Variants in STXBP6 observed in about 807,000 individuals in gnomAD.
STXBP6 encodes the protein syntaxin-binding protein 6.
Under a neutral mutation model 26.9 loss-of-function variants are expected in STXBP6, and 21 were observed. The observed-to-expected ratio is 0.78, with a 90% CI of 0.55 to 1.12. The LOEUF is 1.12. STXBP6 is among the 50% of genes most tolerant of loss of function. The pLI is 0.00. For missense variants in STXBP6, 232 were observed against 257.9 expected, an observed-to-expected ratio of 0.90 and a Z score of 0.69; for synonymous variants, 97 against 92.6, an observed-to-expected ratio of 1.05 and a Z score of -0.27.
At chr14:24,878,739 C>CA (rs2070240320) in intron 2 of STXBP6, 1 of 439,230 alleles carries the variant, frequency 2.3e-6, no homozygotes, top group Non-Finnish European at 4.6e-6. Flanking sequence ...AACCATAACA[C>CA]ACGTTTCATC....
At chr14:24,844,879 TC>T (rs1381233964) in intron 4 of STXBP6, among the ~76,000 whole-genome samples, 1 of 152,158 alleles carries the variant, frequency 6.6e-6, no homozygotes, top group Non-Finnish European at 1.5e-5. Context: ...TGTTAATCTC[TC>T]AAGAGGTACA....
intron 2 of STXBP6, among the ~76,000 whole-genome samples, chr14:24,905,524 C>T (rs2071357718): frequency 6.6e-6 from 1 of 152,082 alleles, no homozygotes; most frequent in Non-Finnish European, 1.5e-5. Flanking sequence ...CAAAGAAAAC[C>T]TTGGGAATCT....
chr14:24,871,109 A>G (rs1244077278), intron 2 of STXBP6, among the ~76,000 whole-genome samples: 1 of 150,346 alleles, frequency 6.7e-6, no homozygotes, highest in Non-Finnish European at 1.5e-5. Context: ...GCATCCCATT[A>G]TGTTCTTTTT....
At chr14:24,983,957 A>G (rs902485663) in intron 1 of STXBP6, among the ~76,000 whole-genome samples, 1 of 152,244 alleles carries the variant, frequency 6.6e-6, no homozygotes, top group Non-Finnish European at 1.5e-5. Flanking sequence ...TATTCTCTAA[A>G]TCAAACATCA....
chr14:24,870,293 C>G (rs1175379484), intron 2 of STXBP6, among the ~76,000 whole-genome samples: 1 of 152,136 alleles, frequency 6.6e-6, no homozygotes, highest in Admixed American at 6.5e-5. Context: ...CAACAAAACA[C>G]TGCAAATTAT....
intron 1 of STXBP6, among the ~76,000 whole-genome samples, chr14:25,042,347 A>G (rs2075656595): frequency 6.6e-6 from 1 of 152,216 alleles, no homozygotes; most frequent in Non-Finnish European, 1.5e-5. Flanking sequence ...CCCAAAAGCA[A>G]CAGAGGAAGC....
intron 2 of STXBP6, among the ~76,000 whole-genome samples, chr14:24,969,717 T>C (rs190313023): frequency 3.3e-5 from 5 of 152,154 alleles, no homozygotes; most frequent in African/African-American, 9.6e-5. Context: ...TCCACATGAG[T>C]GAGCAAGAAT....
intron 1 of STXBP6, among the ~76,000 whole-genome samples, chr14:25,007,922 C>G (rs191059287): frequency 9.2e-5 from 14 of 152,296 alleles, no homozygotes; most frequent in African/African-American, 2.9e-4. Context: ...AATGGACAAT[C>G]TCCAGGACTG....
At chr14:24,981,675 A>G (rs8018041) in intron 1 of STXBP6, among the ~76,000 whole-genome samples, 26,682 of 152,102 alleles carry the variant, frequency 0.18, 2,496 homozygotes, top group Middle Eastern at 0.27. Context: ...TATGAGTTGA[A>G]ACCTTTTGAG....
chr14:24,906,024 A>G (rs2071375001), intron 2 of STXBP6, among the ~76,000 whole-genome samples: 2 of 152,222 alleles, frequency 1.3e-5, no homozygotes, highest in South Asian at 2.1e-4. Flanking sequence ...AGAATACTCA[A>G]TCAAACATCT....
At chr14:24,938,391 T>C (rs2072676873) in intron 2 of STXBP6, among the ~76,000 whole-genome samples, 2 of 152,210 alleles carry the variant, frequency 1.3e-5, no homozygotes, top group Non-Finnish European at 2.9e-5. Context: ...TTTATCATTA[T>C]AATACTTAAC....
At chr14:25,010,522 T>A (rs1316527803) in intron 1 of STXBP6, 1 of 152,260 alleles carries the variant, frequency 6.6e-6, no homozygotes, top group East Asian at 1.9e-4. Flanking sequence ...GGCATTTACC[T>A]ACCTTTAACG....
intron 1 of STXBP6, among the ~76,000 whole-genome samples, chr14:24,993,275 A>G (rs992065106): frequency 2.0e-5 from 3 of 152,154 alleles, no homozygotes; most frequent in African/African-American, 7.2e-5. Context: ...TTCCAGTCCT[A>G]TGTTCCTATC....
Position 24,812,501 on chromosome 14 carries a change from T to C in STXBP6, c.*208A>G, listed in dbSNP as rs894050930. On this transcript the variant is annotated 3_prime_UTR_variant, in exon 6 of 6. Transcript: ENST00000323944. The stretch of plus-strand genomic sequence containing the variant: ...AAACCCAAAATGAAGCTGATGCTAT[T>C]GTAGCATTTATTAGCAAGATCATTA... 1 of 589,182 alleles carries C rather than the reference T, an allele frequency of 1.7e-6. No homozygotes were observed. Among genetic ancestry groups the C allele is most frequent in the African/African-American group, 1.9e-5 (1 of 53,596 alleles). 36.5% of individuals were successfully genotyped at this position (589,182 alleles called of 1,614,324 possible).
chr14:25,017,525 C>A (rs776663517), intron 1 of STXBP6, among the ~76,000 whole-genome samples: 1 of 152,206 alleles, frequency 6.6e-6, no homozygotes. Flanking sequence ...CCAGTTGATA[C>A]TTGGTTACCA....
At chr14:24,996,311 C>A (rs945805763) in intron 1 of STXBP6, among the ~76,000 whole-genome samples, 5 of 152,118 alleles carry the variant, frequency 3.3e-5, no homozygotes, top group Non-Finnish European at 7.3e-5. Context: ...CGTTTTGTGG[C>A]TCAAGGTTTT....
intron 2 of STXBP6, among the ~76,000 whole-genome samples, chr14:24,921,743 A>G (rs1002437460): frequency 1.3e-5 from 2 of 152,126 alleles, no homozygotes; most frequent in Non-Finnish European, 2.9e-5. Context: ...TTTCTCATAA[A>G]AAGGAAATTG....
At chr14:24,823,651 C>T (rs1265063692) in intron 4 of STXBP6, among the ~76,000 whole-genome samples, 2 of 152,128 alleles carry the variant, frequency 1.3e-5, no homozygotes, top group African/African-American at 4.8e-5. Context: ...AGTCAATGTG[C>T]TTATCTAAGA....
intron 1 of STXBP6, among the ~76,000 whole-genome samples, chr14:25,036,339 A>G (rs2075552137): frequency 6.6e-6 from 1 of 152,066 alleles, no homozygotes; most frequent in South Asian, 2.1e-4. Flanking sequence ...CATGATCCCA[A>G]AAGGGTGAGA....
Sources: allele counts gnomAD v4.1 joint callset (sites outside exome capture counted in the v4.1 genomes callset), GRCh38; gene constraint gnomAD v4.1.1; transcripts MANE v1.5; gene names NCBI Gene and HGNC (gene_info 2026-07-23, HGNC 2026-07-21).